STXBP5L: variants seen among roughly 807,000 people sequenced by gnomAD.
STXBP5L encodes the protein syntaxin binding protein 5L, also known as syntaxin-binding protein 5-like.
A neutral mutation model predicts 144.5 loss-of-function variants in STXBP5L; 65 were observed. The observed-to-expected ratio is 0.45, with a 90% CI of 0.37 to 0.55. The LOEUF (loss-of-function observed/expected upper bound fraction) is 0.55. STXBP5L is among the 20% of genes least tolerant of loss of function. STXBP5L has a pLI of 0.00. For missense variants in STXBP5L, 1,298 were observed against 1,405.5 expected (o/e 0.92, Z 1.22); for synonymous variants, 505 against 469.6 (o/e 1.08, Z -0.97).
rs1304645300 is a variant in STXBP5L, at chr3:121,138,407, C to T, written c.670-14070C>T. Among the ~76,000 whole-genome samples the T allele has an allele frequency of 3.3e-5, 5 of 152,128 alleles. No homozygotes were observed. In the East Asian group the frequency reaches 7.7e-4, roughly 23 times the overall value. On this transcript the variant is annotated intron_variant, in intron 7 of 26. Coordinates refer to ENST00000471454, the MANE Select transcript of STXBP5L (RefSeq NM_001308330.2). ...ATTCTTCACAGAAATAGAAAAAACA[C>T]CACAAAGTTTGTATGGAACCATAAG...
chr3:121,164,305 C>T (rs1181898720), intron 9 of STXBP5L, among the ~76,000 whole-genome samples: 1 of 152,162 alleles, frequency 6.6e-6, no homozygotes, highest in Non-Finnish European at 1.5e-5. Context: ...GAGAAATCAT[C>T]TTACACCTAT....
At chr3:121,390,679 A>C (rs939261178) in intron 22 of STXBP5L, among the ~76,000 whole-genome samples, 3 of 152,082 alleles carry the variant, frequency 2.0e-5, no homozygotes, top group Non-Finnish European at 4.4e-5. Flanking sequence ...CTGGGTTGAA[A>C]ATTTTTTTCT....
At chr3:121,068,951 C>T (rs1181799596) in intron 5 of STXBP5L, among the ~76,000 whole-genome samples, 10 of 152,092 alleles carry the variant, frequency 6.6e-5, no homozygotes, top group African/African-American at 2.4e-4. Context: ...AAAACTAGTA[C>T]AGAGGTTTTA....
intron 6 of STXBP5L, among the ~76,000 whole-genome samples, chr3:121,120,275 C>CT (rs1411700820): frequency 2.0e-5 from 3 of 151,130 alleles, no homozygotes; most frequent in Admixed American, 2.0e-4. Flanking sequence ...GACATTAAAC[C>CT]TTATCAGAGG....
At chr3:120,977,311 G>T (rs1314598705) in intron 3 of STXBP5L, among the ~76,000 whole-genome samples, 2 of 152,054 alleles carry the variant, frequency 1.3e-5, no homozygotes, top group African/African-American at 2.4e-5. Context: ...GGCCTTCTTT[G>T]TCCCTTTTGA....
intron 20 of STXBP5L, among the ~76,000 whole-genome samples, chr3:121,364,226 A>T (rs1285325918): frequency 6.6e-6 from 1 of 152,168 alleles, no homozygotes; most frequent in Non-Finnish European, 1.5e-5. Flanking sequence ...TCTTAACTCA[A>T]TGGGCTCAGT....
rs147098742 is a variant in STXBP5L, at chr3:121,125,851, G to A, written c.669+4147G>A. ...AAATGACACAATTCTGAAGAGAGGG[G>A]GTGTTAACCTCCCATGGAGAAAACC... On this transcript the variant is annotated intron_variant, in intron 7 of 26. Coordinates refer to ENST00000471454, the MANE Select transcript of STXBP5L (RefSeq NM_001308330.2). Among the ~76,000 whole-genome samples the A allele has an allele frequency of 4.5e-3, 692 of 152,162 alleles. 4 individuals are homozygous for A. Among genetic ancestry groups the A allele is most frequent in the African/African-American group, 0.016 (660 of 41,532 alleles).
At chr3:120,977,993 C>A (rs1941283024) in intron 3 of STXBP5L, among the ~76,000 whole-genome samples, 2 of 152,150 alleles carry the variant, frequency 1.3e-5, no homozygotes, top group African/African-American at 4.8e-5. Context: ...TCCTTCATTT[C>A]AACTTTGGTG....
rs894324922 is a variant in STXBP5L, at chr3:120,980,646, T to A, written c.287+25609T>A. ...GAAGCTATCATTGGATCTTCTTTTT[T>A]AAAATTCATTCTGCCAATCTATATC... On this transcript the variant is annotated intron_variant, in intron 3 of 26. Transcript: ENST00000471454. 2.0e-5 allele frequency among the ~76,000 whole-genome samples: 3 copies of A among 152,310 alleles called. No individual in the cohort carries two copies. In the East Asian group the frequency reaches 5.8e-4, roughly 29 times the overall value.
intron 3 of STXBP5L, among the ~76,000 whole-genome samples, chr3:120,971,120 G>T (rs1940194665): frequency 6.6e-6 from 1 of 152,128 alleles, no homozygotes; most frequent in Non-Finnish European, 1.5e-5. Context: ...GGAGGTTCCA[G>T]ATTGAGCATC....
At chr3:120,989,000 T>C (rs188484530) in intron 3 of STXBP5L, among the ~76,000 whole-genome samples, 11 of 152,230 alleles carry the variant, frequency 7.2e-5, no homozygotes, top group African/African-American at 2.6e-4. Context: ...GATTTCATTC[T>C]TTTTTTAAGG....
At chr3:120,968,292 T>A (rs914115430) in intron 3 of STXBP5L, among the ~76,000 whole-genome samples, 1 of 152,334 alleles carries the variant, frequency 6.6e-6, no homozygotes, top group African/African-American at 2.4e-5. Flanking sequence ...TGGTGTTGAC[T>A]GCATATATCT....
intron 7 of STXBP5L, among the ~76,000 whole-genome samples, chr3:121,132,067 G>C (rs1391485098): frequency 1.3e-5 from 2 of 152,136 alleles, no homozygotes; most frequent in Non-Finnish European, 1.5e-5. Context: ...TTCCAAAGGG[G>C]CTCCCCAGAG....
At chr3:120,976,165 A>G (rs1014602567) in intron 3 of STXBP5L, among the ~76,000 whole-genome samples, 5 of 152,180 alleles carry the variant, frequency 3.3e-5, no homozygotes, top group Non-Finnish European at 5.9e-5. Flanking sequence ...CTGTGAATCC[A>G]TCTGGTCCTG....
At chr3:121,361,469 A>C (rs140692990) in intron 20 of STXBP5L, among the ~76,000 whole-genome samples, 2 of 151,868 alleles carry the variant, frequency 1.3e-5, no homozygotes, top group East Asian at 3.9e-4. Context: ...AGCATGCTTC[A>C]TTCTTTTTTA....
chr3:121,166,369 T>C lies in STXBP5L; in HGVS notation c.877+8742T>C, dbSNP rs527527903. On this transcript the variant is annotated intron_variant, in intron 9 of 26. Transcript: ENST00000471454. The stretch of plus-strand genomic sequence containing the variant: ...CTTTTCTGTACTGCATTCTGGGTAA[T>C]TTTTTTCAGATATAACTTCTTTCAC... Among the ~76,000 whole-genome samples, 7 of 152,288 alleles carry C rather than the reference T, an allele frequency of 4.6e-5. No individual in the cohort carries two copies. In the East Asian group the frequency reaches 1.3e-3, roughly 29 times the overall value.
chr3:120,917,455 A>G (rs567381145), intron 2 of STXBP5L, among the ~76,000 whole-genome samples: 1 of 152,298 alleles, frequency 6.6e-6, no homozygotes, highest in South Asian at 2.1e-4. Context: ...AGGGGTGGTG[A>G]TGCAATTAAT....
chr3:121,296,903 G>T (rs574144549), intron 19 of STXBP5L, among the ~76,000 whole-genome samples: 1 of 152,338 alleles, frequency 6.6e-6, no homozygotes, highest in South Asian at 2.1e-4. Flanking sequence ...GGAAGGCAGA[G>T]AAATTTATGC....
At chr3:121,094,870 A>G (rs1328239165) in intron 5 of STXBP5L, among the ~76,000 whole-genome samples, 1 of 151,688 alleles carries the variant, frequency 6.6e-6, no homozygotes, top group African/African-American at 2.4e-5. Flanking sequence ...CCTAGTCTCG[A>G]TGGTCTTTAC....
Sources: gnomAD v4.1 joint callset for allele counts (sites outside exome capture counted in the v4.1 genomes callset) on GRCh38, gnomAD v4.1.1 for gene constraint, MANE v1.5 for transcripts, NCBI Gene and HGNC (gene_info 2026-07-23, HGNC 2026-07-21) for gene names.